Variants in GAL3ST1 observed in about 807,000 individuals in gnomAD.
GAL3ST1 encodes the protein galactose-3-O-sulfotransferase 1.
GAL3ST1 carries 13 observed loss-of-function variants against 25.0 expected under a neutral mutation model. The observed-to-expected ratio is 0.52, with a 90% confidence interval of 0.34 to 0.83. GAL3ST1 has a LOEUF of 0.83. Among genes scored for constraint, GAL3ST1 ranks in the 40% least tolerant of loss-of-function variants. The probability of loss-of-function intolerance (pLI) is 0.02; values close to 1 mark genes in which losing one functional copy is unlikely to be tolerated. For synonymous variants in GAL3ST1, 274 were observed against 277.8 expected, an observed-to-expected ratio of 0.99 and a Z score of 0.14; for missense variants, 474 against 613.6, an observed-to-expected ratio of 0.77 and a Z score of 2.40.
intron 1 of GAL3ST1, among the ~76,000 whole-genome samples, chr22:30,561,133 G>A (rs1426733047): frequency 3.3e-5 from 5 of 152,128 alleles, no homozygotes; most frequent in Non-Finnish European, 7.4e-5. Context: ...TAGTAGAGCC[G>A]GGGTTTCACC....
At chr22:30,559,018 T>C (rs925559385) in intron 1 of GAL3ST1, among the ~76,000 whole-genome samples, 27 of 151,658 alleles carry the variant, frequency 1.8e-4, no homozygotes, top group Non-Finnish European at 3.2e-4. Context: ...ACTAGCTGGG[T>C]GTGGTGGCAT....
chr22:30,561,477 G>T (rs1470722930), intron 1 of GAL3ST1, among the ~76,000 whole-genome samples: 1 of 152,224 alleles, frequency 6.6e-6, no homozygotes, highest in Admixed American at 6.5e-5. Flanking sequence ...GATGGGAAAG[G>T]TGAGGTTCCA....
At chr22:30,557,183 T>G in intron 3 of GAL3ST1, 79 bp downstream of exon 3, 3 of 1,437,454 alleles carry the variant, frequency 2.1e-6, no homozygotes, top group African/African-American at 1.4e-5. Context: ...GCAGGCCCTG[T>G]GGTAATTACA....
chr22:30,573,431 C>T (rs1360923683), intron 1 of GAL3ST1, among the ~76,000 whole-genome samples: 1 of 152,212 alleles, frequency 6.6e-6, no homozygotes, highest in Non-Finnish European at 1.5e-5. Context: ...GCAATGCCTC[C>T]TTCACAGGAC....
chr22:30,559,456 A>G lies in GAL3ST1; in HGVS notation c.-119-1068T>C, dbSNP rs150469727. On this transcript the variant is annotated intron_variant, in intron 1 of 3. Transcript: ENST00000406361. ...GAGTTTCACCATGTTGGCCAGGATCATCTTGATCTCCTGACCTTGTGATCT... is the reference window on the plus strand; with the variant it reads ...GAGTTTCACCATGTTGGCCAGGATCGTCTTGATCTCCTGACCTTGTGATCT... Among the ~76,000 whole-genome samples the G allele has an allele frequency of 2.7e-3, 418 of 152,242 alleles. 4 individuals carry two copies. The highest frequency in any genetic ancestry group is 9.3e-3 in the African/African-American group (387 of 41,558).
At position 30,555,206 on chromosome 22, in the gene GAL3ST1, C is replaced by A. The variant is rs150519649; in HGVS notation, c.1019G>T (p.Arg340Leu). The A allele has an allele frequency of 1.1e-5, 18 of 1,599,268 alleles. No homozygotes were observed. In the African/African-American group the frequency reaches 1.3e-4, roughly 12 times the overall value. ...EVAALRHANERMRTICIDGGH... is the reference protein window; with the variant it reads ...EVAALRHANELMRTICIDGGH... ...CCCGTCGATGCAGATGGTCCGCATGCGCTCGTTGGCATGGCGCAGGGCGGC... is the reference window on the plus strand; with the variant it reads ...CCCGTCGATGCAGATGGTCCGCATGAGCTCGTTGGCATGGCGCAGGGCGGC... Residue 340 changes from arginine to leucine, a missense_variant, in exon 4 of 4, where the codon CGC becomes CTC. Around this residue, in one of 2 missense-constraint regions of GAL3ST1, gnomAD observed 359 missense variants for 504.4 expected, o/e 0.71. Transcript: ENST00000406361. This position sits in a 1 kb window ranked among gnomAD's most constrained non-coding sequence, Gnocchi z 8.6.
At position 30,574,640 on chromosome 22, in the gene GAL3ST1, T is replaced by C. The variant is rs1393795170; in HGVS notation, c.-294A>G. The C allele has an allele frequency of 7.2e-6, 1 of 138,116 alleles. No homozygotes were observed. The highest frequency in any genetic ancestry group is 2.7e-5 in the African/African-American group (1 of 36,800). 8.6% of individuals were successfully genotyped at this position (138,116 alleles called of 1,614,324 possible). A position where few individuals can be genotyped will look rare whatever the true frequency, so the allele number is the denominator to read the frequency against. On this transcript the variant is annotated 5_prime_UTR_variant, in exon 1 of 4. Coordinates refer to ENST00000406361, the MANE Select transcript of GAL3ST1 (RefSeq NM_001318104.2). ...GCGCCCGCTCCCGCGCCGCGCCCGC[T>C]CCCGGCCAGGTGCCGCCGCCAGCCT... is the stretch of plus-strand genomic sequence containing the variant.
intron 1 of GAL3ST1, among the ~76,000 whole-genome samples, chr22:30,568,792 G>A (rs865976315): frequency 2.0e-5 from 3 of 152,012 alleles, no homozygotes; most frequent in Admixed American, 2.0e-4. Context: ...GGGACATGCA[G>A]AGGCCTGGCG....
At chr22:30,562,013 C>G (rs2086439425) in intron 1 of GAL3ST1, among the ~76,000 whole-genome samples, 1 of 152,126 alleles carries the variant, frequency 6.6e-6, no homozygotes, top group Non-Finnish European at 1.5e-5. Context: ...TAGCTGGCAG[C>G]CAGGAGCCTG....
intron 1 of GAL3ST1, among the ~76,000 whole-genome samples, chr22:30,561,322 C>A (rs764177015): frequency 3.9e-5 from 6 of 152,202 alleles, no homozygotes; most frequent in Non-Finnish European, 8.8e-5. Context: ...CTTGGGCTAT[C>A]CCTCCTAGTT....
In GAL3ST1 at chr22:30,556,298, A is replaced by T. The variant is rs750292163; in HGVS notation, c.132-205T>A. Among the ~76,000 whole-genome samples, 27 of 152,118 alleles carry T rather than the reference A, an allele frequency of 1.8e-4. 1 individual carries two copies. The highest frequency in any genetic ancestry group is 3.2e-4 in the Non-Finnish European group (22 of 68,022). On this transcript the variant is annotated intron_variant, in intron 3 of 3. Coordinates refer to ENST00000406361, the MANE Select transcript of GAL3ST1 (RefSeq NM_001318104.2). ...GTTCCTCTTCTGTGAAATGGGGACG[A>T]TAACAGGCCCTATTCACGGTGTTGT...
intron 1 of GAL3ST1, among the ~76,000 whole-genome samples, chr22:30,567,652 C>A (rs1483103610): frequency 1.4e-4 from 21 of 152,024 alleles, no homozygotes; most frequent in Non-Finnish European, 1.5e-5. Context: ...GGACATCTTG[C>A]AGCCACGATA....
At chr22:30,566,429 GGAGT>G (rs937235829) in intron 1 of GAL3ST1, among the ~76,000 whole-genome samples, 1 of 152,168 alleles carries the variant, frequency 6.6e-6, no homozygotes, top group Non-Finnish European at 1.5e-5. Flanking sequence ...ATTTTATAGA[GGAGT>G]GAGAACTTCA....
intron 1 of GAL3ST1, among the ~76,000 whole-genome samples, chr22:30,564,238 A>G (rs2086549923): frequency 6.6e-6 from 1 of 152,156 alleles, no homozygotes; most frequent in Non-Finnish European, 1.5e-5. Flanking sequence ...TGTTATCATC[A>G]TTATCATCAT....
At chr22:30,562,802 C>T (rs117490731) in intron 1 of GAL3ST1, among the ~76,000 whole-genome samples, 1,775 of 152,280 alleles carry the variant, frequency 0.012, 17 homozygotes, top group Non-Finnish European at 0.018. Flanking sequence ...GACCTACAGA[C>T]GAAAGTAATA....
intron 2 of GAL3ST1, among the ~76,000 whole-genome samples, 185 bp downstream of exon 2, chr22:30,558,094 C>T (rs1568996171): frequency 6.6e-6 from 1 of 151,624 alleles, no homozygotes; most frequent in Non-Finnish European, 1.5e-5. Flanking sequence ...GACCATGAAA[C>T]ACTTTTCTAA....
chr22:30,554,699 T>C lies in GAL3ST1; in HGVS notation c.*254A>G, dbSNP rs1216332041. 3.4e-6 allele frequency: 1 copy of C among 291,524 alleles called. No individual in the cohort carries two copies. 18.1% of individuals were successfully genotyped at this position (291,524 alleles called of 1,614,324 possible). The stretch of plus-strand genomic sequence containing the variant: ...TCTCCCCTTTAAGGGGAGGCAGAAA[T>C]AGAACATTCTTTATCGGGGAGGGAA... On this transcript the variant is annotated 3_prime_UTR_variant, in exon 4 of 4. Transcript: ENST00000406361.
chr22:30,565,094 C>G (rs1000784610), intron 1 of GAL3ST1: 1 of 152,814 alleles, frequency 6.5e-6, no homozygotes, highest in Non-Finnish European at 1.5e-5. Flanking sequence ...TGGACCCCAA[C>G]AAGCAAGCAG....
chr22:30,562,803 G>C (rs527578176), intron 1 of GAL3ST1, among the ~76,000 whole-genome samples: 7 of 152,328 alleles, frequency 4.6e-5, no homozygotes, highest in African/African-American at 1.7e-4. Context: ...ACCTACAGAC[G>C]AAAGTAATAC....
Sources: allele counts gnomAD v4.1 joint callset (sites outside exome capture counted in the v4.1 genomes callset), GRCh38; gene constraint gnomAD v4.1.1; regional missense constraint gnomAD v4.1.1; non-coding constraint Gnocchi (gnomAD v3.1); transcripts MANE v1.5; gene names NCBI Gene and HGNC (gene_info 2026-07-23, HGNC 2026-07-21).